The following GRM3 variants were observed in gnomAD, a reference collection of about 807,000 sequenced individuals.
The protein encoded by GRM3 is glutamate metabotropic receptor 3.
A neutral mutation model predicts 70.5 loss-of-function variants in GRM3; 26 were observed. That is an observed-to-expected ratio of 0.37 (90% CI 0.27 to 0.51). GRM3 has a LOEUF of 0.51. Among genes scored for constraint, GRM3 ranks in the 20% least tolerant of loss-of-function variants. The pLI is 0.93. For synonymous variants in GRM3, 443 were observed against 434.9 expected (o/e 1.02, Z -0.23); for missense variants, 859 against 1,123.8 (o/e 0.76, Z 3.37).
chr7:86,689,851 A>G (rs546555544), intron 1 of GRM3, among the ~76,000 whole-genome samples: 2 of 152,258 alleles, frequency 1.3e-5, no homozygotes, highest in Admixed American at 1.3e-4. Context: ...AGATTTTCAT[A>G]AAATCCCCTA....
chr7:86,724,780 C>T (rs895905831), intron 1 of GRM3, among the ~76,000 whole-genome samples: 3 of 129,172 alleles, frequency 2.3e-5, no homozygotes, highest in African/African-American at 1.1e-4. Context: ...TTGCAAAAGC[C>T]TATTCAGTTT....
chr7:86,862,348 AT>A (rs1020108140), intron 5 of GRM3, among the ~76,000 whole-genome samples: 1 of 152,174 alleles, frequency 6.6e-6, no homozygotes, highest in Non-Finnish European at 1.5e-5. Flanking sequence ...TGAAGCTGGA[AT>A]TAGGTACAAT....
chr7:86,839,061 A>G lies in GRM3; in HGVS notation c.1547A>G (p.Asn516Ser), dbSNP rs141295273. The change falls in exon 4 of 6, where the codon AAT becomes AGT. Residue 516 changes from asparagine (N) to serine (S), a missense_variant. By Grantham distance (46) the Asn-to-Ser change is conservative (BLOSUM62 1). Coordinates refer to ENST00000361669, the MANE Select transcript of GRM3 (RefSeq NM_000840.3). The surrounding 1 kb of genome is among the most constrained non-coding windows in gnomAD (Gnocchi z 4.5). ...CAGTGCAGCGACCCCTGTGCCCCCA[A>G]TGAAATGAAGAATATGCAACCAGGG... Reference protein sequence around the residue: ...TSQCSDPCAPNEMKNMQPGDV... With the variant: ...TSQCSDPCAPSEMKNMQPGDV... 6.2e-5 allele frequency: 100 copies of G among 1,613,924 alleles called. No homozygotes were observed. The highest frequency in any genetic ancestry group is 1.3e-4 in the South Asian group (12 of 91,074).
At chr7:86,684,947 G>C (rs1404408824) in intron 1 of GRM3, among the ~76,000 whole-genome samples, 1 of 152,168 alleles carries the variant, frequency 6.6e-6, no homozygotes, top group Non-Finnish European at 1.5e-5. Context: ...AGGATTAATT[G>C]TGTAAAGTAC....
chr7:86,778,283 C>G (rs1307463247), intron 2 of GRM3, among the ~76,000 whole-genome samples: 1 of 152,094 alleles, frequency 6.6e-6, no homozygotes, highest in African/African-American at 2.4e-5. Context: ...AGTATAGATC[C>G]TCATAAAACT....
At chr7:86,755,057 T>C (rs1796312504) in intron 1 of GRM3, among the ~76,000 whole-genome samples, 1 of 152,124 alleles carries the variant, frequency 6.6e-6, no homozygotes, top group Non-Finnish European at 1.5e-5. Context: ...GCTCATTCCT[T>C]AACCAACTGC....
intron 3 of GRM3, among the ~76,000 whole-genome samples, chr7:86,804,831 G>C (rs984673208): frequency 4.8e-4 from 73 of 152,290 alleles, no homozygotes; most frequent in African/African-American, 1.7e-3. Flanking sequence ...AGGATGGTAG[G>C]TATGAGTGTG....
chr7:86,697,486 G>T (rs1202398284), intron 1 of GRM3, among the ~76,000 whole-genome samples: 1 of 151,986 alleles, frequency 6.6e-6, no homozygotes, highest in East Asian at 1.9e-4. Flanking sequence ...AAAAGACTTT[G>T]TTCCTTAAGA....
At chr7:86,861,778 T>G (rs944856813) in intron 5 of GRM3, among the ~76,000 whole-genome samples, 1 of 152,032 alleles carries the variant, frequency 6.6e-6, no homozygotes, top group South Asian at 2.1e-4. Flanking sequence ...GAATAAAGAG[T>G]TAGAGCACAC....
At chr7:86,750,638 GAC>G (rs1286031838) in intron 1 of GRM3, among the ~76,000 whole-genome samples, 3 of 151,784 alleles carry the variant, frequency 2.0e-5, no homozygotes, top group African/African-American at 7.3e-5. Context: ...TCGTTCAAGT[GAC>G]CACAGGTGAA....
intron 1 of GRM3, among the ~76,000 whole-genome samples, chr7:86,698,806 C>G (rs1427567046): frequency 6.6e-6 from 1 of 151,996 alleles, no homozygotes; most frequent in Admixed American, 6.6e-5. Context: ...CAGTAGCTGC[C>G]TCATCTGAGT....
chr7:86,808,907 T>C (rs1352460673), intron 3 of GRM3, among the ~76,000 whole-genome samples: 1 of 151,700 alleles, frequency 6.6e-6, no homozygotes, highest in African/African-American at 2.4e-5. Context: ...AGAGAAGTGG[T>C]GAGAGCCTTG....
intron 3 of GRM3, among the ~76,000 whole-genome samples, chr7:86,811,436 T>A (rs1044933735): frequency 2.6e-5 from 4 of 151,846 alleles, no homozygotes; most frequent in African/African-American, 9.7e-5. Flanking sequence ...TTTCCTTTCC[T>A]GCAATGTTTC....
rs1014067 is a variant in GRM3, at chr7:86,744,581, C to T, written c.-140-20425C>T. ...TGGGTCGCCCCTAGGGTGTCAGGGA[C>T]GCTTAAAACCTTTTGCTGCCATATC... On this transcript the variant is annotated intron_variant, in intron 1 of 5. Transcript: ENST00000361669. 4.2e-3 allele frequency among the ~76,000 whole-genome samples: 632 copies of T among 151,868 alleles called. 12 individuals carry two copies. Among genetic ancestry groups the T allele is most frequent in the Admixed American group, 0.038 (585 of 15,240 alleles).
intron 1 of GRM3, among the ~76,000 whole-genome samples, chr7:86,749,543 A>C (rs958447686): frequency 6.6e-5 from 10 of 152,096 alleles, no homozygotes; most frequent in African/African-American, 2.4e-4. Context: ...CTTGATGAGA[A>C]GGCTAATGGA....
intron 1 of GRM3, 139 bp from the exon 2 acceptor site, chr7:86,764,867 A>T: frequency 2.6e-6 from 1 of 378,548 alleles, no homozygotes; most frequent in Admixed American, 4.4e-5. Flanking sequence ...CCTGTGAGAG[A>T]GTGCCTGGTG....
At chr7:86,668,334 A>T (rs1794084052) in intron 1 of GRM3, among the ~76,000 whole-genome samples, 2 of 146,316 alleles carry the variant, frequency 1.4e-5, no homozygotes, top group Admixed American at 1.3e-4. Context: ...CTATATTCAC[A>T]TGAAAATGTA....
intron 2 of GRM3, among the ~76,000 whole-genome samples, chr7:86,781,583 C>A (rs1178119585): frequency 6.6e-6 from 1 of 152,124 alleles, no homozygotes; most frequent in Non-Finnish European, 1.5e-5. Context: ...AGAGACTGAG[C>A]TCTAATCTTA....
intron 3 of GRM3, among the ~76,000 whole-genome samples, chr7:86,838,243 A>C (rs1798495071): frequency 2.6e-5 from 4 of 152,218 alleles, no homozygotes; most frequent in African/African-American, 9.7e-5. Flanking sequence ...TGTCAATATT[A>C]AATTTAATAT....
Sources: allele counts gnomAD v4.1 joint callset (sites outside exome capture counted in the v4.1 genomes callset), GRCh38; gene constraint gnomAD v4.1.1; non-coding constraint Gnocchi (gnomAD v3.1); transcripts MANE v1.5; gene names NCBI Gene and HGNC (gene_info 2026-07-23, HGNC 2026-07-21).